Variants in DAB1 observed in about 807,000 individuals in gnomAD.
DAB1 encodes disabled homolog 1.
In DAB1, 15 loss-of-function variants were observed where a neutral mutation model predicts 64.6. The observed-to-expected ratio is 0.23, with a 90% CI of 0.16 to 0.36. DAB1 has a LOEUF of 0.36. DAB1 is among the 10% of genes least tolerant of loss of function. The pLI is 1.00. For missense variants in DAB1, 596 were observed against 706.7 expected (o/e 0.84, Z 1.78); for synonymous variants, 235 against 251.9 (o/e 0.93, Z 0.64).
chr1:57,829,300 C>T (rs559820956), intron 1 of DAB1, among the ~76,000 whole-genome samples: 5 of 152,230 alleles, frequency 3.3e-5, no homozygotes, highest in East Asian at 1.9e-4. Flanking sequence ...AACAATAACA[C>T]AATTTTAGTG....
At chr1:57,495,557 G>A (rs139846133) in intron 7 of DAB1, among the ~76,000 whole-genome samples, 80 of 152,274 alleles carry the variant, frequency 5.3e-4, no homozygotes, top group African/African-American at 1.7e-3. Flanking sequence ...AAGTGTGTCC[G>A]TATAGGTAAT....
chr1:58,322,550 A>G (rs1662711069), intron 4 of DAB1, among the ~76,000 whole-genome samples: 1 of 152,140 alleles, frequency 6.6e-6, no homozygotes, highest in Admixed American at 6.5e-5. Flanking sequence ...ATACCATCTC[A>G]CACCAGTTAG....
chr1:57,878,795 T>C (rs1008917294), intron 1 of DAB1: 2 of 152,162 alleles, frequency 1.3e-5, no homozygotes, highest in African/African-American at 4.8e-5. Flanking sequence ...GCTGTAATTT[T>C]GTATCCATTA....
At chr1:57,217,593 G>T (rs10489467) in intron 2 of DAB1, among the ~76,000 whole-genome samples, 4,107 of 152,134 alleles carry the variant, frequency 0.027, 170 homozygotes, top group African/African-American at 0.093. Context: ...ATGGAGCAAG[G>T]TGACCAAAAT....
chr1:57,468,495 A>T (rs1174979634), intron 7 of DAB1, among the ~76,000 whole-genome samples: 1 of 152,206 alleles, frequency 6.6e-6, no homozygotes, highest in Non-Finnish European at 1.5e-5. Context: ...TTTTGAGGGA[A>T]ATAGAAAAGA....
chr1:57,164,049 T>C (rs986244931), intron 2 of DAB1, among the ~76,000 whole-genome samples: 2 of 152,158 alleles, frequency 1.3e-5, no homozygotes, highest in Non-Finnish European at 2.9e-5. Context: ...TCACATTCTC[T>C]GGGAACTTCA....
intron 6 of DAB1, among the ~76,000 whole-genome samples, chr1:57,762,127 A>T (rs1376314250): frequency 6.6e-6 from 1 of 152,156 alleles, no homozygotes. Context: ...TTTATATTCA[A>T]TATTTCACTA....
chr1:57,334,379 G>C (rs887241662), intron 1 of DAB1, among the ~76,000 whole-genome samples: 13 of 152,208 alleles, frequency 8.5e-5, no homozygotes, highest in African/African-American at 3.1e-4. Flanking sequence ...ATGACTTGGA[G>C]CCTTTTTCTG....
At chr1:57,258,195 A>C (rs966594279) in intron 2 of DAB1, among the ~76,000 whole-genome samples, 1 of 152,132 alleles carries the variant, frequency 6.6e-6, no homozygotes, top group African/African-American at 2.4e-5. Context: ...CCATGATCTC[A>C]TAAATTCTTC....
intron 1 of DAB1, among the ~76,000 whole-genome samples, chr1:57,343,920 C>T (rs377013581): frequency 8.6e-4 from 131 of 152,364 alleles, no homozygotes; most frequent in African/African-American, 2.0e-3. Context: ...GCCAAGGAGG[C>T]GCCCAGAGCG....
chr1:57,093,478 GC>G (rs1653877794), intron 4 of DAB1, among the ~76,000 whole-genome samples: 1 of 151,872 alleles, frequency 6.6e-6, no homozygotes. Flanking sequence ...AGGTCGCAAA[GC>G]CTTAGTTTCT....
chr1:57,167,783 A>C (rs1332764466), intron 2 of DAB1, among the ~76,000 whole-genome samples: 1 of 152,194 alleles, frequency 6.6e-6, no homozygotes, highest in Non-Finnish European at 1.5e-5. Context: ...GTAATCTAAT[A>C]ACTCATTTGT....
At chr1:58,324,644 TCTTA>T (rs2100489109) in intron 4 of DAB1, among the ~76,000 whole-genome samples, 1 of 152,328 alleles carries the variant, frequency 6.6e-6, no homozygotes, top group South Asian at 2.1e-4. Flanking sequence ...GTTTTCTTTT[TCTTA>T]CTGTGCCTTT....
At chr1:58,375,412 G>A (rs1442479225) in intron 3 of DAB1, among the ~76,000 whole-genome samples, 1 of 133,998 alleles carries the variant, frequency 7.5e-6, no homozygotes, top group Non-Finnish European at 1.6e-5. Context: ...TTTTGTCAAA[G>A]GCTTTTTCTG....
At chr1:58,075,813 T>G (rs1649601669) in intron 5 of DAB1, among the ~76,000 whole-genome samples, 2 of 152,294 alleles carry the variant, frequency 1.3e-5, no homozygotes, top group East Asian at 1.9e-4. Context: ...TGGCTCTATC[T>G]CTGTCCCTCT....
intron 9 of DAB1, among the ~76,000 whole-genome samples, chr1:57,054,579 G>A (rs568648975): frequency 1.4e-4 from 20 of 144,058 alleles, no homozygotes; most frequent in East Asian, 1.3e-3. Context: ...CCGGGTTCAC[G>A]CCATTCTCCT....
At chr1:57,103,927 T>C (rs1204031900) in intron 4 of DAB1, among the ~76,000 whole-genome samples, 3 of 151,982 alleles carry the variant, frequency 2.0e-5, no homozygotes, top group African/African-American at 7.2e-5. Flanking sequence ...GGTAGGTACA[T>C]CTGAGAGAGA....
chr1:57,414,846 C>T (rs1180011586), intron 1 of DAB1, among the ~76,000 whole-genome samples: 2 of 151,400 alleles, frequency 1.3e-5, no homozygotes, highest in African/African-American at 4.9e-5. Flanking sequence ...TATTGAAAGA[C>T]ATTAAATAAG....
chr1:57,656,860 C>G (rs1646325071), intron 6 of DAB1, among the ~76,000 whole-genome samples: 3 of 152,142 alleles, frequency 2.0e-5, no homozygotes, highest in Non-Finnish European at 2.9e-5. Flanking sequence ...TTTCCCCTTT[C>G]TAAAGTTTAG....
Sources: allele counts gnomAD v4.1 joint callset (sites outside exome capture counted in the v4.1 genomes callset), GRCh38; gene constraint gnomAD v4.1.1; transcripts MANE v1.5; gene names NCBI Gene and HGNC (gene_info 2026-07-23, HGNC 2026-07-21).